Variants in TNFAIP8 observed in about 807,000 individuals in gnomAD.
TNFAIP8 encodes TNF alpha induced protein 8.
TNFAIP8 carries 7 observed loss-of-function variants against 13.3 expected under a neutral mutation model. That is an observed-to-expected ratio of 0.52 (90% CI 0.30 to 0.99). The LOEUF (loss-of-function observed/expected upper bound fraction) is 0.99. Ranked by LOEUF, TNFAIP8 falls within the 50% of genes least tolerant of loss-of-function variation. The probability of loss-of-function intolerance (pLI) is 0.07; values close to 1 mark genes in which losing one functional copy is unlikely to be tolerated. For synonymous variants in TNFAIP8, 94 were observed against 87.6 expected, an observed-to-expected ratio of 1.07 and a Z score of -0.41; for missense variants, 258 against 236.9, an observed-to-expected ratio of 1.09 and a Z score of -0.58.
chr5:119,397,354 C>T lies in TNFAIP8; in HGVS notation c.*3973C>T, dbSNP rs996394997. 1 of 152,060 alleles carries T rather than the reference C, an allele frequency of 6.6e-6. No homozygotes were observed. Among genetic ancestry groups the T allele is most frequent in the Non-Finnish European group, 1.5e-5 (1 of 68,004 alleles). 9.4% of individuals were successfully genotyped at this position (152,060 alleles called of 1,614,324 possible). ...GATGAAATATTTGTAGTAAAAAGTG[C>T]TATTCAATTGCCAGGAAATTAAAAT... On this transcript the variant is annotated 3_prime_UTR_variant, in exon 2 of 2. Transcript: ENST00000504771.
chr5:119,335,260 AC>A, intron 1 of TNFAIP8, among the ~76,000 whole-genome samples: 1 of 152,294 alleles, frequency 6.6e-6, no homozygotes, highest in Non-Finnish European at 1.5e-5. Flanking sequence ...AGGGAAACGT[AC>A]TTCTCTTTTG....
At chr5:119,270,190 TA>T (rs1748236579) in intron 1 of TNFAIP8, among the ~76,000 whole-genome samples, 1 of 152,278 alleles carries the variant, frequency 6.6e-6, no homozygotes, top group South Asian at 2.1e-4. Context: ...TAAGAGTTGA[TA>T]AATCACTGTA....
At chr5:119,320,002 C>T (rs532004497) in intron 1 of TNFAIP8, among the ~76,000 whole-genome samples, 67 of 152,170 alleles carry the variant, frequency 4.4e-4, no homozygotes, top group Admixed American at 1.0e-3. Flanking sequence ...AAGGAGTGTC[C>T]GAAGAGATCA....
rs1753060790 is a variant in TNFAIP8, at chr5:119,395,875, T to G, written c.*2494T>G. The G allele has an allele frequency of 6.6e-6, 1 of 152,228 alleles. No individual in the cohort carries two copies. The highest frequency in any genetic ancestry group is 2.4e-5 in the African/African-American group (1 of 41,442). 9.4% of individuals were successfully genotyped at this position (152,228 alleles called of 1,614,324 possible). ...ATGAACCTTTTTATAAAATAGTATC[T>G]GTTCACGTTTTGAAAAAAATTGTGT... On this transcript the variant is annotated 3_prime_UTR_variant, in exon 2 of 2. Coordinates refer to ENST00000504771, the MANE Select transcript of TNFAIP8 (RefSeq NM_014350.4).
intron 1 of TNFAIP8, among the ~76,000 whole-genome samples, chr5:119,301,316 C>A (rs1007515889): frequency 1.3e-5 from 2 of 152,178 alleles, no homozygotes; most frequent in Non-Finnish European, 2.9e-5. Context: ...ACAATTCTTA[C>A]CCCTCTGTCA....
At chr5:119,288,507 C>T (rs1748877123) in intron 1 of TNFAIP8, among the ~76,000 whole-genome samples, 1 of 152,194 alleles carries the variant, frequency 6.6e-6, no homozygotes, top group South Asian at 2.1e-4. Context: ...AAAAAGTTTT[C>T]TTTAATTAAA....
At chr5:119,293,998 A>G (rs78369461) in intron 1 of TNFAIP8, among the ~76,000 whole-genome samples, 6,296 of 152,140 alleles carry the variant, frequency 0.041, 389 homozygotes, top group African/African-American at 0.13. Context: ...TAGTATATCA[A>G]TTCACTTTTA....
chr5:119,302,218 T>C (rs760862159), intron 1 of TNFAIP8, among the ~76,000 whole-genome samples: 1 of 152,232 alleles, frequency 6.6e-6, no homozygotes. Flanking sequence ...TTTTAAGGTA[T>C]AGCTTCCCTG....
At chr5:119,341,776 C>T (rs1408311184) in intron 1 of TNFAIP8, among the ~76,000 whole-genome samples, 1 of 152,100 alleles carries the variant, frequency 6.6e-6, no homozygotes, top group Admixed American at 6.5e-5. Context: ...TCAATCAAAA[C>T]AGTTCTGAGT....
In TNFAIP8 at chr5:119,315,838, G is replaced by A. The variant is rs530401326; in HGVS notation, c.1+46931G>A. Among the ~76,000 whole-genome samples, 5 of 152,138 alleles carry A rather than the reference G, an allele frequency of 3.3e-5. No homozygotes were observed. The South Asian group carries it at 1.0e-3, about 32-fold the overall frequency. ...AAGTCTTGATTGCAGTTCCTGTGTG[G>A]GTCCTCTGGGTGTCTTCACACACAC... is the stretch of plus-strand genomic sequence containing the variant. On this transcript the variant is annotated intron_variant, in intron 1 of 1. Coordinates refer to the TNFAIP8 transcript ENST00000274456.
chr5:119,366,268 G>A (rs1751854312), intron 1 of TNFAIP8, among the ~76,000 whole-genome samples: 2 of 152,160 alleles, frequency 1.3e-5, no homozygotes, highest in African/African-American at 4.8e-5. Flanking sequence ...TGATTTTGCA[G>A]TTAACAGGAG....
intron 1 of TNFAIP8, among the ~76,000 whole-genome samples, chr5:119,357,138 G>C (rs1225577757): frequency 6.6e-6 from 1 of 152,154 alleles, no homozygotes; most frequent in Non-Finnish European, 1.5e-5. Context: ...CCCTCCCAGA[G>C]GAAAGCTTTG....
chr5:119,354,320 T>A (rs1005389506), upstream of TNFAIP8: 3 of 152,254 alleles, frequency 2.0e-5, no homozygotes, highest in African/African-American at 7.2e-5. Context: ...ATGTTTCTCC[T>A]CTTCTCCCTT....
intron 1 of TNFAIP8, among the ~76,000 whole-genome samples, chr5:119,322,667 C>T (rs1750097060): frequency 6.6e-6 from 1 of 152,152 alleles, no homozygotes; most frequent in African/African-American, 2.4e-5. Context: ...TGTGCCCCTC[C>T]TTGGTCTTCT....
intron 1 of TNFAIP8, among the ~76,000 whole-genome samples, chr5:119,309,609 A>G (rs1033203599): frequency 2.6e-5 from 4 of 152,218 alleles, no homozygotes; most frequent in African/African-American, 7.2e-5. Flanking sequence ...CAGGGTGGGT[A>G]GTTCTGCACG....
rs140327948 is a variant in TNFAIP8, at chr5:119,349,238, C to T, written c.2-43578C>T. Among the ~76,000 whole-genome samples the T allele has an allele frequency of 3.7e-4, 57 of 152,356 alleles. 1 individual carries two copies. The highest frequency in any genetic ancestry group is 1.2e-3 in the African/African-American group (51 of 41,576). ...TTACAGAGCCAGCATTTAGGGCCTC[C>T]ATATAGACACTCTTAAACAATCTGG... On this transcript the variant is annotated intron_variant, in intron 1 of 1. Transcript: ENST00000274456.
At chr5:119,294,288 C>T (rs953371243) in intron 1 of TNFAIP8, among the ~76,000 whole-genome samples, 6 of 144,160 alleles carry the variant, frequency 4.2e-5, no homozygotes, top group South Asian at 2.3e-4. Flanking sequence ...TGAGTGAGAA[C>T]ATGCGGTGTT....
intron 1 of TNFAIP8, among the ~76,000 whole-genome samples, chr5:119,297,258 C>T (rs1581581195): frequency 6.6e-6 from 1 of 151,930 alleles, no homozygotes; most frequent in African/African-American, 2.4e-5. Flanking sequence ...TATAAATTTC[C>T]CTCTACACAC....
At chr5:119,276,904 T>C (rs1271768749) in intron 1 of TNFAIP8, among the ~76,000 whole-genome samples, 2 of 152,232 alleles carry the variant, frequency 1.3e-5, no homozygotes, top group Admixed American at 1.3e-4. Flanking sequence ...TTTCAGGACC[T>C]GCAGTCTATG....
Sources: allele counts gnomAD v4.1 joint callset (sites outside exome capture counted in the v4.1 genomes callset), GRCh38; gene constraint gnomAD v4.1.1; transcripts MANE v1.5; gene names NCBI Gene and HGNC (gene_info 2026-07-23, HGNC 2026-07-21).